Variants in DCC observed in about 807,000 individuals in gnomAD.
DCC encodes netrin receptor DCC.
Under a neutral mutation model 172.5 loss-of-function variants are expected in DCC, and 58 were observed. That is an observed-to-expected ratio of 0.34 (90% confidence interval 0.27 to 0.42). The LOEUF is 0.42. Among genes scored for constraint, DCC ranks in the 10% least tolerant of loss-of-function variants. The pLI is 1.00. For missense variants in DCC, 1,740 were observed against 1,791.0 expected, an observed-to-expected ratio of 0.97 and a Z score of 0.51; for synonymous variants, 709 against 644.5, an observed-to-expected ratio of 1.10 and a Z score of -1.52.
chr18:53,193,670 G>T (rs895537690), intron 9 of DCC, among the ~76,000 whole-genome samples: 27 of 152,066 alleles, frequency 1.8e-4, no homozygotes, highest in African/African-American at 6.5e-4. Flanking sequence ...GGGCATCAAA[G>T]CATCCCGGAA....
At chr18:52,759,687 TAAA>T (rs963566338) in intron 2 of DCC, among the ~76,000 whole-genome samples, 2 of 152,114 alleles carry the variant, frequency 1.3e-5, no homozygotes, top group Non-Finnish European at 2.9e-5. Context: ...AACGTCAAGA[TAAA>T]AAAGATTCAA....
Position 52,898,488 on chromosome 18 carries a change from T to C in DCC, c.413-7556T>C, listed in dbSNP as rs561092902. ...AAAACTAAAGTACTTTAGAATTAAA[T>C]GAATGAGAGTACATGTCGAAAATAT... On this transcript the variant is annotated intron_variant, in intron 2 of 28. Transcript: ENST00000442544. Among the ~76,000 whole-genome samples, 7 of 152,296 alleles carry C rather than the reference T, an allele frequency of 4.6e-5. No individual in the cohort carries two copies. The South Asian group carries it at 1.5e-3, about 32-fold the overall frequency.
At chr18:52,386,254 A>G (rs922330805) in intron 1 of DCC, among the ~76,000 whole-genome samples, 4 of 152,042 alleles carry the variant, frequency 2.6e-5, no homozygotes, top group African/African-American at 7.2e-5. Flanking sequence ...TTACCAAACA[A>G]CAGTGATTGG....
intron 1 of DCC, among the ~76,000 whole-genome samples, chr18:52,731,166 T>C (rs2036634723): frequency 6.6e-6 from 1 of 152,226 alleles, no homozygotes; most frequent in South Asian, 2.1e-4. Flanking sequence ...GTTATTGAGA[T>C]TGATTGAAGC....
At chr18:52,725,517 T>A (rs1199483753) in intron 1 of DCC, among the ~76,000 whole-genome samples, 4 of 152,100 alleles carry the variant, frequency 2.6e-5, no homozygotes, top group Non-Finnish European at 5.9e-5. Context: ...CTGCCACACA[T>A]AAAGAAGCTG....
chr18:52,965,575 T>A, intron 5 of DCC, among the ~76,000 whole-genome samples: 1 of 152,200 alleles, frequency 6.6e-6, no homozygotes, highest in East Asian at 1.9e-4. Flanking sequence ...GTAATAATAA[T>A]TTTTGTGTTT....
chr18:52,486,829 A>C (rs907336350), intron 1 of DCC, among the ~76,000 whole-genome samples: 1 of 152,156 alleles, frequency 6.6e-6, no homozygotes, highest in Non-Finnish European at 1.5e-5. Context: ...AATCAGTGGC[A>C]GCTACACAAG....
chr18:52,852,585 C>T (rs1231778804), intron 2 of DCC, among the ~76,000 whole-genome samples: 1 of 151,372 alleles, frequency 6.6e-6, no homozygotes, highest in African/African-American at 2.4e-5. Context: ...GTATCAAACC[C>T]AGTTTGTCCA....
chr18:53,495,808 T>C (rs987125292), intron 26 of DCC, among the ~76,000 whole-genome samples: 1 of 152,220 alleles, frequency 6.6e-6, no homozygotes, highest in Non-Finnish European at 1.5e-5. Context: ...GGAGGCTTTG[T>C]TCATTTCTTT....
intron 1 of DCC, among the ~76,000 whole-genome samples, chr18:52,508,139 C>T (rs183186914): frequency 3.9e-4 from 60 of 152,082 alleles, no homozygotes; most frequent in East Asian, 5.8e-4. Context: ...TCCTAATCTA[C>T]GGGGACCAGT....
chr18:52,849,679 G>A (rs1379268775), intron 2 of DCC, among the ~76,000 whole-genome samples: 6 of 152,126 alleles, frequency 3.9e-5, no homozygotes, highest in Admixed American at 3.9e-4. Context: ...ATAAAAAGTA[G>A]CCTTTATAAC....
rs746538446 is a variant in DCC at position 52,906,250 on chromosome 18, A to C, written c.619A>C (p.Ile207Leu). 1 of 1,614,098 alleles carries C rather than the reference A, an allele frequency of 6.2e-7. No homozygotes were observed. Among genetic ancestry groups the C allele is most frequent in the Non-Finnish European group, 8.5e-7 (1 of 1,180,030 alleles). Residue 207 changes from isoleucine (I) to leucine (L), a missense_variant, in exon 3 of 29, where the codon ATT becomes CTT. Transcript: ENST00000442544. Reference protein sequence around the residue: ...LQISRLQPGDIGIYRCSARNP... With the variant: ...LQISRLQPGDLGIYRCSARNP... ...GATCAGCCGACTCCAACCGGGGGAC[A>C]TTGGAATTTACCGATGCTCAGCTCG... is the stretch of plus-strand genomic sequence containing the variant.
chr18:52,343,827 A>G (rs1196784983), intron 1 of DCC, among the ~76,000 whole-genome samples: 2 of 152,226 alleles, frequency 1.3e-5, no homozygotes, highest in Non-Finnish European at 2.9e-5. Context: ...TCCCCCAACC[A>G]AAGCAGATCA....
chr18:53,216,542 T>C (rs1036394698), intron 12 of DCC, among the ~76,000 whole-genome samples: 1 of 152,196 alleles, frequency 6.6e-6, no homozygotes. Flanking sequence ...ATCTTCCTTA[T>C]TGACTTATCA....
At chr18:52,693,669 G>A (rs928536362) in intron 1 of DCC, among the ~76,000 whole-genome samples, 1 of 151,846 alleles carries the variant, frequency 6.6e-6, no homozygotes, top group African/African-American at 2.4e-5. Flanking sequence ...AACTGGGTTA[G>A]AGAAAGTATG....
chr18:52,630,095 G>C (rs1445555046), intron 1 of DCC, among the ~76,000 whole-genome samples: 1 of 151,874 alleles, frequency 6.6e-6, no homozygotes, highest in Non-Finnish European at 1.5e-5. Context: ...CTGGGCAACA[G>C]AGCAAGACTC....
At chr18:53,067,738 A>G (rs748876518) in intron 7 of DCC, among the ~76,000 whole-genome samples, 3 of 152,218 alleles carry the variant, frequency 2.0e-5, no homozygotes, top group Non-Finnish European at 4.4e-5. Flanking sequence ...ATAAAGAGTT[A>G]TCTATCATGT....
intron 1 of DCC, among the ~76,000 whole-genome samples, chr18:52,692,793 C>A (rs1415476512): frequency 1.3e-5 from 2 of 151,962 alleles, no homozygotes; most frequent in South Asian, 2.1e-4. Flanking sequence ...GGGAGGGTAC[C>A]TATAGTTATA....
intron 7 of DCC, among the ~76,000 whole-genome samples, chr18:53,129,954 T>C (rs1044463896): frequency 6.6e-6 from 1 of 152,104 alleles, no homozygotes; most frequent in African/African-American, 2.4e-5. Context: ...TAAAATACCA[T>C]TTTACAATTC....
Sources: gnomAD v4.1 joint callset for allele counts (sites outside exome capture counted in the v4.1 genomes callset) on GRCh38, gnomAD v4.1.1 for gene constraint, MANE v1.5 for transcripts, NCBI Gene and HGNC (gene_info 2026-07-23, HGNC 2026-07-21) for gene names.